REC114: variants seen among roughly 807,000 people sequenced by gnomAD.
REC114 encodes meiotic recombination protein REC114.
In REC114, 27 loss-of-function variants were observed where a neutral mutation model predicts 31.3. The observed-to-expected ratio is 0.86, with a 90% CI of 0.64 to 1.19. The LOEUF (loss-of-function observed/expected upper bound fraction) is 1.19, where lower values mean the gene tolerates loss of function less well. Ranked by LOEUF, REC114 falls within the 50% of genes most tolerant of loss-of-function variation. The probability of loss-of-function intolerance (pLI) is 0.00; values close to 1 mark genes in which losing one functional copy is unlikely to be tolerated. For synonymous variants in REC114, 134 were observed against 127.7 expected (o/e 1.05, Z -0.33); for missense variants, 344 against 326.9 (o/e 1.05, Z -0.40).
chr15:73,480,764 G>A (rs540289743), intron 2 of REC114, among the ~76,000 whole-genome samples: 8 of 152,074 alleles, frequency 5.3e-5, no homozygotes, highest in African/African-American at 1.4e-4. Flanking sequence ...TGCAACCTCC[G>A]CCTCCTGGGT....
intron 2 of REC114, among the ~76,000 whole-genome samples, chr15:73,504,799 A>G (rs1430140185): frequency 1.3e-5 from 2 of 152,174 alleles, no homozygotes; most frequent in Non-Finnish European, 2.9e-5. Flanking sequence ...TTCATGAATT[A>G]TAAGTTGTAT....
intron 2 of REC114, among the ~76,000 whole-genome samples, chr15:73,503,033 T>C (rs943198207): frequency 6.6e-6 from 1 of 152,344 alleles, no homozygotes; most frequent in Middle Eastern, 3.4e-3. Flanking sequence ...TTTGCAAGGA[T>C]GCAGAATAAA....
intron 2 of REC114, among the ~76,000 whole-genome samples, chr15:73,505,152 C>T (rs751829083): frequency 1.3e-5 from 2 of 152,160 alleles, no homozygotes; most frequent in Non-Finnish European, 2.9e-5. Flanking sequence ...TAACTGTGCA[C>T]AGCACCTAAA....
chr15:73,558,734 T>C (rs1894516084), intron 5 of REC114, among the ~76,000 whole-genome samples: 1 of 152,256 alleles, frequency 6.6e-6, no homozygotes, highest in African/African-American at 2.4e-5. Context: ...GGACAGCCAC[T>C]ATAGATGACA....
At chr15:73,452,667 C>T (rs1341714655) in intron 1 of REC114, among the ~76,000 whole-genome samples, 2 of 152,150 alleles carry the variant, frequency 1.3e-5, no homozygotes, top group Non-Finnish European at 2.9e-5. Context: ...AAAGAGCCTG[C>T]ATAGCCAAGA....
At chr15:73,551,326 T>C (rs1256134822) in intron 4 of REC114, among the ~76,000 whole-genome samples, 176 bp downstream of exon 4, 7 of 152,252 alleles carry the variant, frequency 4.6e-5, no homozygotes, top group Middle Eastern at 3.4e-3. Flanking sequence ...ATTCAGAAAT[T>C]AGGCAGGGAG....
At chr15:73,492,169 A>G (rs1595868888) in intron 2 of REC114, among the ~76,000 whole-genome samples, 1 of 152,232 alleles carries the variant, frequency 6.6e-6, no homozygotes, top group African/African-American at 2.4e-5. Context: ...TCCAGTGACT[A>G]CTACACACCC....
At chr15:73,456,815 C>G (rs545168537) in intron 1 of REC114, among the ~76,000 whole-genome samples, 1 of 152,044 alleles carries the variant, frequency 6.6e-6, no homozygotes, top group African/African-American at 2.4e-5. Flanking sequence ...CTTCTAAGCT[C>G]TATGCTGTTT....
intron 2 of REC114, among the ~76,000 whole-genome samples, chr15:73,488,874 G>T (rs1431172999): frequency 2.6e-5 from 4 of 152,056 alleles, no homozygotes; most frequent in African/African-American, 9.7e-5. Flanking sequence ...CCATTACCCA[G>T]TTTCAGAGCC....
At chr15:73,481,041 C>T (rs1893287357) in intron 2 of REC114, among the ~76,000 whole-genome samples, 1 of 152,132 alleles carries the variant, frequency 6.6e-6, no homozygotes, top group Non-Finnish European at 1.5e-5. Flanking sequence ...TGTCTTAGTA[C>T]AATTATTCAA....
At chr15:73,508,615 C>T (rs182993850) in intron 2 of REC114, among the ~76,000 whole-genome samples, 3 of 119,510 alleles carry the variant, frequency 2.5e-5, no homozygotes, top group African/African-American at 9.7e-5. Context: ...CCACAACAGT[C>T]CCCAGAGTGT....
rs114688219 is a variant in REC114, at chr15:73,483,351, G to A, written c.249+9430G>A. The A allele has an allele frequency of 3.0e-3, 463 of 153,430 alleles. 2 individuals are homozygous for A. The highest frequency in any genetic ancestry group is 0.011 in the African/African-American group (439 of 41,534). 9.5% of individuals were successfully genotyped at this position (153,430 alleles called of 1,614,324 possible). Reference sequence around the variant, plus strand: ...TTGAGTCTCTTGGAACATCCAGAACGCACAGTCTTCTCAGTCAGGACTTGG... The same window carrying A: ...TTGAGTCTCTTGGAACATCCAGAACACACAGTCTTCTCAGTCAGGACTTGG... On this transcript the variant is annotated intron_variant, in intron 2 of 5. Coordinates refer to ENST00000331090, the MANE Select transcript of REC114 (RefSeq NM_001042367.2).
At chr15:73,471,431 AT>A (rs1219339775) in intron 1 of REC114, among the ~76,000 whole-genome samples, 1 of 152,200 alleles carries the variant, frequency 6.6e-6, no homozygotes, top group Admixed American at 6.5e-5. Flanking sequence ...TGAGGTGAAA[AT>A]GTTGTGATGT....
intron 2 of REC114, among the ~76,000 whole-genome samples, chr15:73,510,298 C>G (rs1438996351): frequency 6.6e-6 from 1 of 152,136 alleles, no homozygotes; most frequent in Non-Finnish European, 1.5e-5. Context: ...ATTTTGTATC[C>G]TGAGACTTTG....
rs141819926 is a variant in REC114, at chr15:73,456,271, C to T, written c.159+12927C>T. On this transcript the variant is annotated intron_variant, in intron 1 of 5. Coordinates refer to ENST00000331090, the MANE Select transcript of REC114 (RefSeq NM_001042367.2). The stretch of plus-strand genomic sequence containing the variant: ...TTGCAGGTTGCTTTTAAAGTTTTAC[C>T]ATGTTTTTCAGATTTCAAGGATTTC... 9.3e-4 allele frequency among the ~76,000 whole-genome samples: 141 copies of T among 151,542 alleles called. No homozygotes were observed. The East Asian group carries it at 0.02, about 21-fold the overall frequency.
chr15:73,520,054 AAC>A (rs900081189), intron 2 of REC114, among the ~76,000 whole-genome samples: 14 of 152,330 alleles, frequency 9.2e-5, no homozygotes, highest in African/African-American at 3.4e-4. Context: ...TCTGTCGTAT[AAC>A]ACTGTGAATG....
chr15:73,518,554 T>C (rs956080976), intron 2 of REC114, among the ~76,000 whole-genome samples: 10 of 152,216 alleles, frequency 6.6e-5, no homozygotes, highest in Admixed American at 2.6e-4. Context: ...ATTACTTTGG[T>C]CAGAAGTAAT....
chr15:73,447,975 G>A (rs1892790686), intron 1 of REC114, among the ~76,000 whole-genome samples: 1 of 152,182 alleles, frequency 6.6e-6, no homozygotes, highest in African/African-American at 2.4e-5. Context: ...CTTTTCCCAT[G>A]GTCTTTGCAA....
At chr15:73,504,865 A>G (rs796573005) in intron 2 of REC114, among the ~76,000 whole-genome samples, 9 of 152,106 alleles carry the variant, frequency 5.9e-5, no homozygotes, top group African/African-American at 2.2e-4. Context: ...TAGATGTTTT[A>G]TTGGATTCTA....
Sources: gnomAD v4.1 joint callset for allele counts (sites outside exome capture counted in the v4.1 genomes callset) on GRCh38, gnomAD v4.1.1 for gene constraint, MANE v1.5 for transcripts, NCBI Gene and HGNC (gene_info 2026-07-23, HGNC 2026-07-21) for gene names.